ARHGAP32: variants seen among roughly 807,000 people sequenced by gnomAD.
ARHGAP32 encodes the protein rho GTPase-activating protein 32.
Under a neutral mutation model 186.5 loss-of-function variants are expected in ARHGAP32, and 51 were observed. That is an observed-to-expected ratio of 0.27 (90% confidence interval 0.22 to 0.35). The LOEUF (loss-of-function observed/expected upper bound fraction) is 0.35, where lower values mean the gene tolerates loss of function less well. Ranked by LOEUF, ARHGAP32 falls within the 10% of genes least tolerant of loss-of-function variation. ARHGAP32 has a pLI of 1.00. For synonymous variants in ARHGAP32, 950 were observed against 964.3 expected (o/e 0.99, Z 0.27); for missense variants, 2,186 against 2,623.5 (o/e 0.83, Z 3.64).
intron 1 of ARHGAP32, among the ~76,000 whole-genome samples, chr11:129,217,558 G>GTA (rs970343817): frequency 6.6e-6 from 1 of 152,088 alleles, no homozygotes; most frequent in Admixed American, 6.6e-5. Flanking sequence ...TTATAACCAT[G>GTA]TATATATATA....
intron 11 of ARHGAP32, among the ~76,000 whole-genome samples, chr11:129,018,205 A>G (rs1329903266): frequency 1.3e-5 from 2 of 152,188 alleles, no homozygotes; most frequent in Non-Finnish European, 2.9e-5. Flanking sequence ...GCAAGTGGCA[A>G]TTTAAAAAAA....
At chr11:129,046,448 C>G (rs1402364968) in intron 10 of ARHGAP32, among the ~76,000 whole-genome samples, 1 of 152,156 alleles carries the variant, frequency 6.6e-6, no homozygotes, top group Non-Finnish European at 1.5e-5. Flanking sequence ...CTGCGCCTAT[C>G]CACCTCTAAC....
chr11:129,252,025 A>G (rs1434472206), intron 1 of ARHGAP32, among the ~76,000 whole-genome samples: 1 of 152,062 alleles, frequency 6.6e-6, no homozygotes, highest in African/African-American at 2.4e-5. Context: ...AAAGTAAATA[A>G]TAATATCAAC....
intron 6 of ARHGAP32, among the ~76,000 whole-genome samples, chr11:129,089,247 A>C (rs575459410): frequency 2.6e-4 from 40 of 152,376 alleles, no homozygotes; most frequent in African/African-American, 8.2e-4. Flanking sequence ...GATGCGATAC[A>C]GAAATGATAA....
At chr11:129,149,104 G>A (rs1189332548) in intron 2 of ARHGAP32, among the ~76,000 whole-genome samples, 4 of 152,184 alleles carry the variant, frequency 2.6e-5, no homozygotes, top group African/African-American at 4.8e-5. Flanking sequence ...CCTGGCCAAT[G>A]CAGGGCAAGC....
At chr11:129,149,761 C>T (rs571331208) in intron 2 of ARHGAP32, among the ~76,000 whole-genome samples, 1 of 152,060 alleles carries the variant, frequency 6.6e-6, no homozygotes, top group South Asian at 2.1e-4. Context: ...ACACCAGCTC[C>T]CTAACAATGG....
At chr11:129,236,021 C>T (rs747093798) in intron 1 of ARHGAP32, among the ~76,000 whole-genome samples, 5 of 151,944 alleles carry the variant, frequency 3.3e-5, no homozygotes, top group Non-Finnish European at 7.4e-5. Context: ...AATTGTGCTG[C>T]TATAAACATG....
At chr11:129,162,276 C>A in intron 2 of ARHGAP32, among the ~76,000 whole-genome samples, 1 of 152,002 alleles carries the variant, frequency 6.6e-6, no homozygotes, top group East Asian at 1.9e-4. Context: ...CACATGTACT[C>A]CGGAACTTAA....
intron 6 of ARHGAP32, among the ~76,000 whole-genome samples, chr11:129,088,979 C>G (rs369656831): frequency 9.5e-6 from 1 of 104,858 alleles, no homozygotes; most frequent in South Asian, 3.4e-4. Flanking sequence ...GCCTGGGTGA[C>G]AGAGAGAGAC....
chr11:129,249,298 T>G (rs1275649476), intron 1 of ARHGAP32, among the ~76,000 whole-genome samples: 1 of 152,008 alleles, frequency 6.6e-6, no homozygotes, highest in Non-Finnish European at 1.5e-5. Flanking sequence ...CAGTATGTAT[T>G]AAAAAAAGTA....
At chr11:129,193,668 A>ATATATAATATATAATATATAT (rs1460376606), upstream of ARHGAP32, among the ~76,000 whole-genome samples, 6 of 41,882 alleles carry the variant, frequency 1.4e-4, no homozygotes, top group Admixed American at 9.1e-4. Context: ...AATATATATT[A>ATATATAATATATAATATATAT]TATATAATAT....
At chr11:129,169,695 T>C (rs1943718184) in intron 1 of ARHGAP32, among the ~76,000 whole-genome samples, 1 of 151,122 alleles carries the variant, frequency 6.6e-6, no homozygotes, top group African/African-American at 2.4e-5. Context: ...TGCAATGCAG[T>C]TGAGAATTTA....
intron 11 of ARHGAP32, among the ~76,000 whole-genome samples, chr11:129,022,731 ACCAGAAAACTGACTCAGCTTT>A (rs1023284303): frequency 2.6e-5 from 4 of 152,142 alleles, no homozygotes; most frequent in African/African-American, 9.7e-5. Context: ...TACAGGGCTA[ACCAGAAAACTGACTCAGCTTT>A]CCAGAACCTG....
chr11:129,232,401 C>A (rs957291864), intron 1 of ARHGAP32, among the ~76,000 whole-genome samples: 1 of 152,022 alleles, frequency 6.6e-6, no homozygotes, highest in African/African-American at 2.4e-5. Context: ...GAATGGTAGA[C>A]AAATTAGGGT....
At chr11:129,214,864 C>T (rs1022523030) in intron 1 of ARHGAP32, among the ~76,000 whole-genome samples, 5 of 152,182 alleles carry the variant, frequency 3.3e-5, no homozygotes, top group Non-Finnish European at 7.3e-5. Context: ...ACTCCATCTT[C>T]GTAGAAGGAC....
At chr11:128,981,363 C>A in intron 17 of ARHGAP32, 53 bp downstream of exon 17, 1 of 1,529,708 alleles carries the variant, frequency 6.5e-7, no homozygotes, top group South Asian at 1.3e-5. Context: ...GTTTGCTACT[C>A]CTCTGGAAGC....
intron 2 of ARHGAP32, among the ~76,000 whole-genome samples, chr11:129,126,256 A>G (rs1942657709): frequency 6.6e-6 from 1 of 152,206 alleles, no homozygotes; most frequent in African/African-American, 2.4e-5. Flanking sequence ...CAATTCTGCT[A>G]TTGCAGTGTA....
intron 1 of ARHGAP32, among the ~76,000 whole-genome samples, chr11:129,226,230 A>T (rs777878807): frequency 2.6e-5 from 4 of 152,190 alleles, no homozygotes; most frequent in Non-Finnish European, 5.9e-5. Flanking sequence ...ATTTAAAGAA[A>T]TCATGGCCAA....
chr11:129,266,764 C>A (rs982761152), intron 1 of ARHGAP32, among the ~76,000 whole-genome samples: 2 of 152,162 alleles, frequency 1.3e-5, no homozygotes, highest in African/African-American at 4.8e-5. Flanking sequence ...TCTAACCATA[C>A]CCCTGACCAT....
Sources: gnomAD v4.1 joint callset for allele counts (sites outside exome capture counted in the v4.1 genomes callset) on GRCh38, gnomAD v4.1.1 for gene constraint, MANE v1.5 for transcripts, NCBI Gene and HGNC (gene_info 2026-07-23, HGNC 2026-07-21) for gene names.